ABTB3: variants seen among roughly 807,000 people sequenced by gnomAD.
ABTB3 encodes ankyrin repeat- and BTB/POZ domain-containing protein 3.
chr12:107,598,108 G>T, the ABTB3 span, among the ~76,000 whole-genome samples: 1 of 152,250 alleles, frequency 6.6e-6, no homozygotes, highest in Non-Finnish European at 1.5e-5. Context: ...GGGACAAAGG[G>T]AAAGTCAGAG....
At chr12:107,547,657 A>C in the ABTB3 span, among the ~76,000 whole-genome samples, 1 of 152,238 alleles carries the variant, frequency 6.6e-6, no homozygotes, top group Non-Finnish European at 1.5e-5. Context: ...AGAGTTTTCC[A>C]GATTCTGTTC....
chr12:107,396,597 TTTTA>T, the ABTB3 span, among the ~76,000 whole-genome samples: 36 of 41,480 alleles, frequency 8.7e-4, no homozygotes, highest in African/African-American at 7.4e-4. Context: ...TTTTTTTTTT[TTTTA>T]GCATGGTGAA....
chr12:107,537,820 C>A, the ABTB3 span, among the ~76,000 whole-genome samples: 3 of 152,266 alleles, frequency 2.0e-5, no homozygotes, highest in East Asian at 5.8e-4. Context: ...AAGTTCGTCC[C>A]GCAGTTTTTC....
At chr12:107,491,522 A>T in the ABTB3 span, among the ~76,000 whole-genome samples, 6 of 152,150 alleles carry the variant, frequency 3.9e-5, no homozygotes, top group East Asian at 1.2e-3. Flanking sequence ...ACGGGTTAAC[A>T]ACCATGAGCC....
At chr12:107,507,439 G>A in the ABTB3 span, among the ~76,000 whole-genome samples, 2 of 152,218 alleles carry the variant, frequency 1.3e-5, no homozygotes, top group African/African-American at 2.4e-5. Context: ...GCCGTTCTCT[G>A]CCTCTGTCAT....
the ABTB3 span, among the ~76,000 whole-genome samples, chr12:107,505,428 C>T: frequency 6.6e-5 from 10 of 151,652 alleles, no homozygotes; most frequent in Middle Eastern, 3.2e-3. Context: ...GTGTTCTCAA[C>T]GACATCTGGA....
chr12:107,328,133 A>C, the ABTB3 span, among the ~76,000 whole-genome samples: 1 of 152,232 alleles, frequency 6.6e-6, no homozygotes, highest in Non-Finnish European at 1.5e-5. Flanking sequence ...TCAGAGGGGC[A>C]TAAGCATTTA....
chr12:107,338,739 C>G, the ABTB3 span, among the ~76,000 whole-genome samples: 1 of 152,232 alleles, frequency 6.6e-6, no homozygotes, highest in Non-Finnish European at 1.5e-5. Flanking sequence ...GTGGCTGACC[C>G]TGGCCCCTAC....
the ABTB3 span, among the ~76,000 whole-genome samples, chr12:107,460,659 GA>G: frequency 3.3e-5 from 5 of 150,984 alleles, no homozygotes; most frequent in East Asian, 1.9e-4. Context: ...ACTCTCTGAA[GA>G]AAAAAAAAGA....
the ABTB3 span, among the ~76,000 whole-genome samples, chr12:107,394,718 G>A: frequency 6.6e-6 from 1 of 152,166 alleles, no homozygotes; most frequent in African/African-American, 2.4e-5. Flanking sequence ...TAAATAAGTC[G>A]ATACCATAAA....
the ABTB3 span, among the ~76,000 whole-genome samples, chr12:107,502,596 A>C: frequency 6.6e-6 from 1 of 152,142 alleles, no homozygotes; most frequent in Non-Finnish European, 1.5e-5. Flanking sequence ...GGGGTCCCCA[A>C]ACCCCAGCCC....
chr12:107,613,598 T>A, the ABTB3 span, among the ~76,000 whole-genome samples: 1 of 152,158 alleles, frequency 6.6e-6, no homozygotes, highest in Admixed American at 6.5e-5. Context: ...ATTGCACCCA[T>A]CTCATATAGT....
the ABTB3 span, among the ~76,000 whole-genome samples, chr12:107,453,457 T>G: frequency 1.3e-5 from 2 of 152,200 alleles, no homozygotes; most frequent in Non-Finnish European, 2.9e-5. Flanking sequence ...AGCTAGCCCC[T>G]TCCACCATGT....
the ABTB3 span, among the ~76,000 whole-genome samples, chr12:107,473,246 C>G: frequency 6.6e-6 from 1 of 152,302 alleles, no homozygotes; most frequent in East Asian, 1.9e-4. Flanking sequence ...CACCTGTGAA[C>G]CAGGCCTCGG....
the ABTB3 span, among the ~76,000 whole-genome samples, chr12:107,631,696 T>C: frequency 1.3e-5 from 2 of 152,200 alleles, no homozygotes; most frequent in Admixed American, 1.3e-4. Flanking sequence ...TGGTCAAGCA[T>C]GTGTAGGCTG....
chr12:107,640,298 T>G, the ABTB3 span: 1 of 1,475,864 alleles, frequency 6.8e-7, no homozygotes. Context: ...TTTTTTTCCC[T>G]TTCCTATTCC....
chr12:107,635,870 CCACA>C, the ABTB3 span, among the ~76,000 whole-genome samples: 4,798 of 114,986 alleles, frequency 0.042, 212 homozygotes, highest in African/African-American at 0.14. Context: ...CCCCACCCAC[CCACA>C]CACACACACA....
chr12:107,404,855 G>A, the ABTB3 span, among the ~76,000 whole-genome samples: 13 of 152,302 alleles, frequency 8.5e-5, no homozygotes, highest in African/African-American at 2.6e-4. Context: ...AATGCCAGCT[G>A]TGTTGAGACA....
chr12:107,432,398 C>G, the ABTB3 span, among the ~76,000 whole-genome samples: 2 of 152,222 alleles, frequency 1.3e-5, no homozygotes, highest in Non-Finnish European at 2.9e-5. Flanking sequence ...GTGAGACAGG[C>G]CTGTCAGCTC....
Sources: allele counts gnomAD v4.1 joint callset (sites outside exome capture counted in the v4.1 genomes callset), GRCh38; gene constraint gnomAD v4.1.1; transcripts MANE v1.5; gene names NCBI Gene and HGNC (gene_info 2026-07-23, HGNC 2026-07-21).